GRIN2B: variants seen among roughly 807,000 people sequenced by gnomAD.
GRIN2B encodes glutamate ionotropic receptor NMDA type subunit 2B.
GRIN2B carries 5 observed loss-of-function variants against 114.5 expected under a neutral mutation model. That is an observed-to-expected ratio of 0.04 (90% CI 0.02 to 0.09). The LOEUF (loss-of-function observed/expected upper bound fraction) is 0.09, where lower values mean the gene tolerates loss of function less well. GRIN2B is among the 10% of genes least tolerant of loss of function. The pLI is 1.00. For missense variants in GRIN2B, 1,108 were observed against 1,943.5 expected, an observed-to-expected ratio of 0.57 and a Z score of 8.08; for synonymous variants, 787 against 745.1, an observed-to-expected ratio of 1.06 and a Z score of -0.92.
Position 13,564,154 on chromosome 12 carries a change from G to A in GRIN2B, c.3084C>T (p.Pro1028=), listed in dbSNP as rs1240398923. 6.2e-7 allele frequency: 1 copy of A among 1,614,160 alleles called. No homozygotes were observed. Among genetic ancestry groups the A allele is most frequent in the Non-Finnish European group, 8.5e-7 (1 of 1,180,032 alleles). Residue 1028 remains proline, a synonymous_variant, in exon 14 of 14, where the codon CCC becomes CCT. Coordinates refer to ENST00000609686, the MANE Select transcript of GRIN2B (RefSeq NM_000834.5). This position sits in a 1 kb window ranked among gnomAD's most constrained non-coding sequence, Gnocchi z 4.8. Reference sequence around the variant, plus strand: ...CACTGAGCTGGCTGTGCTTGGAGGAGGGGAGGCCGATGTCCAGGGGCTTCT... The same window carrying A: ...CACTGAGCTGGCTGTGCTTGGAGGAAGGGAGGCCGATGTCCAGGGGCTTCT... ...ISKKPLDIGL[P]SSKHSQLSDL...
At chr12:13,953,262 C>T (rs1475409733) in intron 2 of GRIN2B, among the ~76,000 whole-genome samples, 1 of 152,044 alleles carries the variant, frequency 6.6e-6, no homozygotes, top group African/African-American at 2.4e-5. Context: ...CCTCAGAAGT[C>T]ACGTAGAGCC....
At position 13,552,660 on chromosome 12, in the gene GRIN2B, TA is replaced by T. The variant is rs11389127; in HGVS notation, c.*10122del. 28 of 147,950 alleles carry T rather than the reference TA, an allele frequency of 1.9e-4. No individual in the cohort carries two copies. The highest frequency in any genetic ancestry group is 4.0e-4 in the African/African-American group (16 of 40,416). The allele number at this position is 147,950 out of a possible 1,614,324, so 9.2% of individuals were successfully genotyped here. ...TTACCAGATAATTTGTTTCATCAGC[TA>T]AAAAAAAAAGTCTCATAGTATAATG... On this transcript the variant is annotated 3_prime_UTR_variant, in exon 14 of 14. Transcript: ENST00000609686.
intron 2 of GRIN2B, among the ~76,000 whole-genome samples, chr12:13,866,753 A>G (rs779527865): frequency 2.1e-4 from 32 of 152,360 alleles, no homozygotes; most frequent in African/African-American, 7.7e-4. Flanking sequence ...GACAACAGCC[A>G]GAAAATTCTT....
Position 13,569,561 on chromosome 12 carries a change from A to G in GRIN2B, c.2359+269T>C, listed in dbSNP as rs531686584. On this transcript the variant is annotated intron_variant, in intron 12 of 13. Coordinates refer to ENST00000609686, the MANE Select transcript of GRIN2B (RefSeq NM_000834.5). ...ACAGATTCTCCCTTGCAGACCCCGG[A>G]AGAGATTGACCCTGCTGGCACTGTG... 5.3e-5 allele frequency among the ~76,000 whole-genome samples: 8 copies of G among 152,302 alleles called. 1 individual carries two copies. In the South Asian group the frequency reaches 1.5e-3, roughly 28 times the overall value.
At chr12:13,674,127 A>C (rs1169805388) in intron 5 of GRIN2B, among the ~76,000 whole-genome samples, 1 of 152,044 alleles carries the variant, frequency 6.6e-6, no homozygotes, top group Non-Finnish European at 1.5e-5. Context: ...TGGGAGGCTG[A>C]GGCAGAAGGA....
chr12:13,602,440 A>C (rs1006952483), intron 10 of GRIN2B, among the ~76,000 whole-genome samples: 3 of 152,206 alleles, frequency 2.0e-5, no homozygotes, highest in Admixed American at 2.0e-4. Context: ...GGTGTGACAG[A>C]TCGGGCTGGA....
At chr12:13,611,166 G>A (rs958166267) in intron 9 of GRIN2B, among the ~76,000 whole-genome samples, 2 of 152,162 alleles carry the variant, frequency 1.3e-5, no homozygotes, top group African/African-American at 4.8e-5. Context: ...AGCTATGAGT[G>A]AGAATTGGTC....
At chr12:13,760,972 G>A (rs185422450) in intron 3 of GRIN2B, among the ~76,000 whole-genome samples, 2 of 152,302 alleles carry the variant, frequency 1.3e-5, no homozygotes, top group Admixed American at 6.5e-5. Context: ...TGCGAACAGT[G>A]TCTTGCAAGA....
intron 10 of GRIN2B, among the ~76,000 whole-genome samples, chr12:13,594,737 GGCT>G (rs1949051767): frequency 6.6e-6 from 1 of 151,834 alleles, no homozygotes; most frequent in Non-Finnish European, 1.5e-5. Context: ...GAAGTGGAGT[GGCT>G]GCTTGTCTAG....
At chr12:13,814,297 G>C (rs905830126) in intron 3 of GRIN2B, among the ~76,000 whole-genome samples, 6 of 152,206 alleles carry the variant, frequency 3.9e-5, no homozygotes, top group African/African-American at 1.4e-4. Context: ...AGAGAGCGAA[G>C]AGCCAAGCCA....
intron 3 of GRIN2B, among the ~76,000 whole-genome samples, chr12:13,862,684 A>C (rs11055650): frequency 0.27 from 41,303 of 152,134 alleles, 6,224 homozygotes; most frequent in Non-Finnish European, 0.32. Context: ...CAAAACAAAA[A>C]AAAAACCTGG....
intron 10 of GRIN2B, among the ~76,000 whole-genome samples, chr12:13,575,426 A>T (rs1184540468): frequency 1.3e-5 from 2 of 152,150 alleles, no homozygotes; most frequent in African/African-American, 4.8e-5. Flanking sequence ...TGGAAAGCCA[A>T]AGTGGGTGGA....
In GRIN2B at chr12:13,962,085, T is replaced by TACACACACAC. The variant is rs754107657; in HGVS notation, c.-19+17842_-19+17843insGTGTGTGTGT. 5.5e-3 allele frequency among the ~76,000 whole-genome samples: 335 copies of TACACACACAC among 60,410 alleles called. 1 individual carries two copies. Among genetic ancestry groups the TACACACACAC allele is most frequent in the East Asian group, 0.018 (36 of 1,980 alleles). 39.6% of individuals were successfully genotyped at this position (60,410 alleles called of 152,430 possible). ...GTATTCTCAGATTCTGTCTCTCTCA[T>TACACACACAC]ACATACACACACACACACACACACA... On this transcript the variant is annotated intron_variant, in intron 2 of 13. Coordinates refer to ENST00000609686, the MANE Select transcript of GRIN2B (RefSeq NM_000834.5).
At chr12:13,867,510 A>G (rs929816403) in intron 2 of GRIN2B, among the ~76,000 whole-genome samples, 1 of 152,202 alleles carries the variant, frequency 6.6e-6, no homozygotes, top group Non-Finnish European at 1.5e-5. Context: ...TATACAATAT[A>G]TCCATGTAAC....
At chr12:13,908,385 T>G (rs887538486) in intron 2 of GRIN2B, among the ~76,000 whole-genome samples, 3 of 152,124 alleles carry the variant, frequency 2.0e-5, no homozygotes, top group African/African-American at 7.2e-5. Flanking sequence ...AAGAGCATGG[T>G]TAGCTGATGT....
In GRIN2B at chr12:13,753,701, A is replaced by C; in HGVS notation, c.626T>G (p.Leu209Arg). 1 of 1,614,122 alleles carries C rather than the reference A, an allele frequency of 6.2e-7. No homozygotes were observed. Among genetic ancestry groups the C allele is most frequent in the Non-Finnish European group, 8.5e-7 (1 of 1,179,944 alleles). Residue 209 changes from leucine to arginine, a missense_variant, in exon 4 of 14, where the codon CTG becomes CGG. Physicochemically the swap from Leu to Arg is moderately radical, Grantham distance 102 (BLOSUM62 -2). Transcript: ENST00000609686. This position sits in a 1 kb window ranked among gnomAD's most constrained non-coding sequence, Gnocchi z 6.2. ...LEEVLLLDMS[L>R]DDGDSKIQNQ... ...CTGGATCTTAGAATCTCCATCGTCCAGGGACATGTCCAGTAGGAGGACCTC... is the reference window on the plus strand; with the variant it reads ...CTGGATCTTAGAATCTCCATCGTCCCGGGACATGTCCAGTAGGAGGACCTC...
chr12:13,796,580 A>G (rs1401811017), intron 3 of GRIN2B, among the ~76,000 whole-genome samples: 1 of 152,200 alleles, frequency 6.6e-6, no homozygotes, highest in African/African-American at 2.4e-5. Context: ...CAAATATTAA[A>G]CCATCTTATA....
chr12:13,964,192 T>C (rs959152050), intron 2 of GRIN2B, among the ~76,000 whole-genome samples: 3 of 152,192 alleles, frequency 2.0e-5, no homozygotes, highest in African/African-American at 7.2e-5. Context: ...TTGCATCCCC[T>C]ATCCCTGGGC....
chr12:13,611,488 T>G (rs951328801), intron 9 of GRIN2B, among the ~76,000 whole-genome samples: 24 of 152,200 alleles, frequency 1.6e-4, no homozygotes, highest in African/African-American at 5.8e-4. Flanking sequence ...TCTCCTTTAC[T>G]TGGGAGTGAA....
Sources: gnomAD v4.1 joint callset for allele counts (sites outside exome capture counted in the v4.1 genomes callset) on GRCh38, gnomAD v4.1.1 for gene constraint, Gnocchi (gnomAD v3.1) non-coding constraint, MANE v1.5 for transcripts, NCBI Gene and HGNC (gene_info 2026-07-23, HGNC 2026-07-21) for gene names.